ADAMTS16: variants seen among roughly 807,000 people sequenced by gnomAD.
ADAMTS16 encodes ADAM metallopeptidase with thrombospondin type 1 motif 16, also known as A disintegrin and metalloproteinase with thrombospondin motifs 16.
Under a neutral mutation model 145.8 loss-of-function variants are expected in ADAMTS16, and 94 were observed. That is an observed-to-expected ratio of 0.64 (90% CI 0.55 to 0.77). The LOEUF (loss-of-function observed/expected upper bound fraction) is 0.77, where lower values mean the gene tolerates loss of function less well. Among genes scored for constraint, ADAMTS16 ranks in the 30% least tolerant of loss-of-function variants. ADAMTS16 has a pLI of 0.00. For missense variants in ADAMTS16, 1,585 were observed against 1,591.5 expected (o/e 1.00, Z 0.07); for synonymous variants, 659 against 604.3 (o/e 1.09, Z -1.33).
At chr5:5,174,498 T>C (rs564860365) in intron 3 of ADAMTS16, among the ~76,000 whole-genome samples, 6 of 152,292 alleles carry the variant, frequency 3.9e-5, no homozygotes, top group African/African-American at 1.2e-4. Flanking sequence ...TATTTTTCTT[T>C]AGGTTTGGGA....
intron 10 of ADAMTS16, among the ~76,000 whole-genome samples, 166 bp downstream of exon 10, chr5:5,209,412 A>C (rs747351634): frequency 6.6e-6 from 1 of 152,204 alleles, no homozygotes; most frequent in Non-Finnish European, 1.5e-5. Context: ...TCACTGGCAA[A>C]GAAGACGACA....
At chr5:5,284,083 T>A (rs1739028084) in intron 18 of ADAMTS16, among the ~76,000 whole-genome samples, 1 of 152,254 alleles carries the variant, frequency 6.6e-6, no homozygotes, top group African/African-American at 2.4e-5. Flanking sequence ...TATATGACTG[T>A]CTTCTTTTTT....
At chr5:5,206,227 C>T (rs1736106228) in intron 9 of ADAMTS16, among the ~76,000 whole-genome samples, 1 of 149,914 alleles carries the variant, frequency 6.7e-6, no homozygotes, top group Non-Finnish European at 1.5e-5. Flanking sequence ...GAGATCGAGA[C>T]CATCCCGGCT....
Position 5,201,010 on chromosome 5 carries a change from G to C in ADAMTS16, c.1451+741G>C, listed in dbSNP as rs74834921. Among the ~76,000 whole-genome samples, 199 of 152,346 alleles carry C rather than the reference G, an allele frequency of 1.3e-3. 4 individuals carry two copies. The East Asian group carries it at 0.024, about 19-fold the overall frequency. ...AAATCTCTTTGGCTTTGAGTTTGAA[G>C]TTTGGTTTAAATCTTAAGCCAAAAC... On this transcript the variant is annotated intron_variant, in intron 9 of 22. Coordinates refer to ENST00000274181, the MANE Select transcript of ADAMTS16 (RefSeq NM_139056.4).
intron 3 of ADAMTS16, among the ~76,000 whole-genome samples, chr5:5,172,751 G>A (rs374040330): frequency 8.6e-5 from 13 of 151,742 alleles, no homozygotes; most frequent in African/African-American, 2.9e-4. Flanking sequence ...ATATCTATTA[G>A]GTTCATTTAG....
chr5:5,157,608 T>C (rs1250049421), intron 3 of ADAMTS16, among the ~76,000 whole-genome samples: 1 of 152,190 alleles, frequency 6.6e-6, no homozygotes, highest in Non-Finnish European at 1.5e-5. Flanking sequence ...ACTCAAAACA[T>C]GTCAAGTGAA....
intron 8 of ADAMTS16, among the ~76,000 whole-genome samples, chr5:5,199,522 G>A (rs766976822): frequency 2.5e-4 from 38 of 152,214 alleles, no homozygotes; most frequent in Non-Finnish European, 4.6e-4. Flanking sequence ...GTCAAGCACA[G>A]CCCGCCCATC....
At chr5:5,207,736 G>T (rs1359462129) in intron 9 of ADAMTS16, among the ~76,000 whole-genome samples, 1 of 151,106 alleles carries the variant, frequency 6.6e-6, no homozygotes, top group Non-Finnish European at 1.5e-5. Flanking sequence ...TCATGAATGA[G>T]TGTTAAATTT....
intron 11 of ADAMTS16, among the ~76,000 whole-genome samples, chr5:5,225,061 GT>G (rs1192813455): frequency 6.6e-6 from 1 of 152,108 alleles, no homozygotes; most frequent in Non-Finnish European, 1.5e-5. Flanking sequence ...GATAGAGTAG[GT>G]TCCTAAAAAT....
intron 20 of ADAMTS16, 94 bp from the exon 21 acceptor site, chr5:5,306,405 TATATA>T: frequency 9.9e-7 from 1 of 1,011,188 alleles, no homozygotes; most frequent in Non-Finnish European, 1.5e-6. Flanking sequence ...TGTTCACACT[TATATA>T]AATGTTCAAG....
intron 3 of ADAMTS16, among the ~76,000 whole-genome samples, chr5:5,149,510 A>T (rs868022322): frequency 4.9e-4 from 74 of 152,354 alleles, no homozygotes; most frequent in African/African-American, 1.7e-3. Context: ...AGATAAGTCG[A>T]AGAAATAGGT....
chr5:5,257,524 G>A (rs933842075), intron 17 of ADAMTS16, among the ~76,000 whole-genome samples: 5 of 152,206 alleles, frequency 3.3e-5, no homozygotes, highest in Non-Finnish European at 5.9e-5. Flanking sequence ...AAACTGCAAC[G>A]TAATGCAAAC....
chr5:5,258,836 G>GTA (rs201672715), intron 17 of ADAMTS16, among the ~76,000 whole-genome samples: 6,014 of 150,516 alleles, frequency 0.04, 135 homozygotes, highest in Non-Finnish European at 0.059. Flanking sequence ...ATATGTATAT[G>GTA]TATATATATA....
intron 3 of ADAMTS16, among the ~76,000 whole-genome samples, chr5:5,168,620 T>A (rs1173658346): frequency 9.0e-5 from 8 of 88,954 alleles, no homozygotes; most frequent in Admixed American, 2.4e-4. Context: ...TTTTTATATA[T>A]TATATTATAT....
chr5:5,190,435 C>A (rs1474861796), intron 7 of ADAMTS16, among the ~76,000 whole-genome samples: 1 of 151,946 alleles, frequency 6.6e-6, no homozygotes, highest in Non-Finnish European at 1.5e-5. Context: ...GTGGATAGAT[C>A]GAAGGCTTTC....
intron 18 of ADAMTS16, among the ~76,000 whole-genome samples, chr5:5,280,153 T>A (rs1355855475): frequency 6.6e-6 from 1 of 152,130 alleles, no homozygotes; most frequent in African/African-American, 2.4e-5. Flanking sequence ...CTGAACTGAA[T>A]CCTGAATCCT....
chr5:5,171,075 A>G (rs1735030536), intron 3 of ADAMTS16, among the ~76,000 whole-genome samples: 1 of 152,052 alleles, frequency 6.6e-6, no homozygotes, highest in African/African-American at 2.4e-5. Context: ...CAAATTGTTC[A>G]TTGTTAGCAT....
chr5:5,314,966 G>A (rs34954967), intron 21 of ADAMTS16, among the ~76,000 whole-genome samples: 36,458 of 152,150 alleles, frequency 0.24, 4,678 homozygotes, highest in South Asian at 0.33. Flanking sequence ...CCTGGTACTG[G>A]GGAGGTGGGC....
intron 18 of ADAMTS16, among the ~76,000 whole-genome samples, chr5:5,274,007 G>A (rs1254660062): frequency 1.3e-5 from 2 of 152,070 alleles, no homozygotes; most frequent in Admixed American, 6.5e-5. Flanking sequence ...TGTGTTGTAT[G>A]TGTATGTGTT....
Sources: allele counts gnomAD v4.1 joint callset (sites outside exome capture counted in the v4.1 genomes callset), GRCh38; gene constraint gnomAD v4.1.1; transcripts MANE v1.5; gene names NCBI Gene and HGNC (gene_info 2026-07-23, HGNC 2026-07-21).